Variants in CLVS2 observed in about 807,000 individuals in gnomAD.
CLVS2 encodes the protein clavesin-2.
A neutral mutation model predicts 29.0 loss-of-function variants in CLVS2; 19 were observed. The ratio of observed to expected loss-of-function variants is 0.66; its 90% CI spans 0.46 to 0.96. The LOEUF (loss-of-function observed/expected upper bound fraction) is 0.96, where lower values mean the gene tolerates loss of function less well. CLVS2 is among the 40% of genes least tolerant of loss of function. CLVS2 has a pLI of 0.00. For missense variants in CLVS2, 294 were observed against 404.1 expected, an observed-to-expected ratio of 0.73 and a Z score of 2.34; for synonymous variants, 161 against 151.3, an observed-to-expected ratio of 1.06 and a Z score of -0.47.
At chr6:123,005,235 C>T (rs1774650375) in intron 2 of CLVS2, among the ~76,000 whole-genome samples, 1 of 152,076 alleles carries the variant, frequency 6.6e-6, no homozygotes, top group Admixed American at 6.5e-5. Context: ...AACTATTACC[C>T]AGATAGACAT....
At chr6:123,004,793 A>T (rs1018562181) in intron 2 of CLVS2, among the ~76,000 whole-genome samples, 1 of 152,100 alleles carries the variant, frequency 6.6e-6, no homozygotes, top group African/African-American at 2.4e-5. Flanking sequence ...GGCGCCTGTA[A>T]TCCCAGCTAC....
intron 3 of CLVS2, among the ~76,000 whole-genome samples, chr6:123,020,138 T>C (rs980171957): frequency 1.3e-5 from 2 of 152,070 alleles, no homozygotes; most frequent in African/African-American, 4.8e-5. Context: ...CTTGGTCTAG[T>C]CAAATTGATA....
chr6:123,034,367 C>T (rs1320146524), intron 3 of CLVS2, among the ~76,000 whole-genome samples: 1 of 152,034 alleles, frequency 6.6e-6, no homozygotes, highest in African/African-American at 2.4e-5. Flanking sequence ...TAAAATACTA[C>T]CTTGCAGTAG....
rs1170330235 is a variant in CLVS2, at chr6:123,070,326, C to A, written c.*6565C>A. The stretch of plus-strand genomic sequence containing the variant: ...AAATTTTGGAGTCATCCTCTCTTTC[C>A]TTCCTCTTTTTCTTTCAAAACTACA... On this transcript the variant is annotated 3_prime_UTR_variant, in exon 6 of 6. Coordinates refer to ENST00000275162, the MANE Select transcript of CLVS2 (RefSeq NM_001010852.4). 1 of 151,880 alleles carries A rather than the reference C, an allele frequency of 6.6e-6. No individual in the cohort carries two copies. Among genetic ancestry groups the A allele is most frequent in the African/African-American group, 2.4e-5 (1 of 41,396 alleles). The allele number at this position is 151,880 out of a possible 1,614,324, so 9.4% of individuals were successfully genotyped here.
At chr6:123,012,876 G>A (rs1473399376) in intron 3 of CLVS2, among the ~76,000 whole-genome samples, 1 of 151,956 alleles carries the variant, frequency 6.6e-6, no homozygotes, top group Admixed American at 6.6e-5. Flanking sequence ...TCCCAATTAA[G>A]ACGCCACTTA....
chr6:123,070,371 C>T lies in CLVS2; in HGVS notation c.*6610C>T, dbSNP rs1471870354. 1 of 151,854 alleles carries T rather than the reference C, an allele frequency of 6.6e-6. No homozygotes were observed. The highest frequency in any genetic ancestry group is 1.5e-5 in the Non-Finnish European group (1 of 67,842). The allele number at this position is 151,854 out of a possible 1,614,324, so 9.4% of individuals were successfully genotyped here. On this transcript the variant is annotated 3_prime_UTR_variant, in exon 6 of 6. Coordinates refer to ENST00000275162, the MANE Select transcript of CLVS2 (RefSeq NM_001010852.4). ...ACTACATCACATCAGCTAGCTCATG[C>T]TGTTGGGTCTTCAAAATATATCCAC...
At chr6:123,012,749 A>T (rs1428049947) in intron 3 of CLVS2, among the ~76,000 whole-genome samples, 1 of 151,884 alleles carries the variant, frequency 6.6e-6, no homozygotes, top group Non-Finnish European at 1.5e-5. Context: ...CTCTGCATGG[A>T]CCTGTAATGG....
At chr6:123,006,499 T>C (rs1774671053) in intron 2 of CLVS2, among the ~76,000 whole-genome samples, 1 of 152,138 alleles carries the variant, frequency 6.6e-6, no homozygotes, top group Admixed American at 6.5e-5. Flanking sequence ...ACAAGTGCCA[T>C]TATATTAGGA....
At chr6:123,029,574 G>A (rs1286929483) in intron 3 of CLVS2, among the ~76,000 whole-genome samples, 2 of 152,116 alleles carry the variant, frequency 1.3e-5, no homozygotes, top group African/African-American at 4.8e-5. Flanking sequence ...AAGGAATAAG[G>A]AAATAAGGTT....
At chr6:123,015,666 G>A (rs1271429752) in intron 3 of CLVS2, among the ~76,000 whole-genome samples, 1 of 152,048 alleles carries the variant, frequency 6.6e-6, no homozygotes, top group East Asian at 1.9e-4. Context: ...TATTGGAATA[G>A]ACAGTGCAAT....
At chr6:123,043,205 C>A (rs956529585) in intron 3 of CLVS2, among the ~76,000 whole-genome samples, 2 of 152,112 alleles carry the variant, frequency 1.3e-5, no homozygotes, top group African/African-American at 4.8e-5. Context: ...TGGAAAAAAA[C>A]TTGAGCGCAT....
At chr6:123,039,554 CTT>C (rs1562171024) in intron 3 of CLVS2, among the ~76,000 whole-genome samples, 1 of 152,126 alleles carries the variant, frequency 6.6e-6, no homozygotes, top group Non-Finnish European at 1.5e-5. Flanking sequence ...GTGAGAATGA[CTT>C]TGTGTCACAT....
Position 123,016,453 on chromosome 6 carries a change from T to A in CLVS2, c.564+5294T>A, listed in dbSNP as rs912815235. 7.6e-4 allele frequency among the ~76,000 whole-genome samples: 115 copies of A among 152,016 alleles called. 1 individual carries two copies. The highest frequency in any genetic ancestry group is 2.7e-3 in the African/African-American group (112 of 41,476). ...CAGAATCTCCCAATTTATAGATGATTTTTAGCTTATCCTAGCCCTACCCTG... is the reference window on the plus strand; with the variant it reads ...CAGAATCTCCCAATTTATAGATGATATTTAGCTTATCCTAGCCCTACCCTG... On this transcript the variant is annotated intron_variant, in intron 3 of 5. Coordinates refer to ENST00000275162, the MANE Select transcript of CLVS2 (RefSeq NM_001010852.4).
intron 4 of CLVS2, among the ~76,000 whole-genome samples, chr6:123,051,350 CA>C (rs1772607896): frequency 2.6e-5 from 4 of 152,150 alleles, no homozygotes; most frequent in Admixed American, 1.3e-4. Flanking sequence ...AAAAGCTCAC[CA>C]GTATCTGGAG....
At chr6:123,050,564 A>G (rs1225747598) in intron 4 of CLVS2, among the ~76,000 whole-genome samples, 1 of 152,158 alleles carries the variant, frequency 6.6e-6, no homozygotes, top group East Asian at 1.9e-4. Flanking sequence ...AAATGTCTTC[A>G]GGTAGAAACA....
chr6:123,002,746 C>T (rs1378233628), intron 2 of CLVS2, among the ~76,000 whole-genome samples: 1 of 152,064 alleles, frequency 6.6e-6, no homozygotes. Flanking sequence ...TTCAAGAATT[C>T]TTTTCTCAGT....
At chr6:123,036,099 A>G (rs1295437970) in intron 3 of CLVS2, among the ~76,000 whole-genome samples, 3 of 152,166 alleles carry the variant, frequency 2.0e-5, no homozygotes, top group African/African-American at 7.2e-5. Context: ...GAATGGAAGC[A>G]TTGAATGCAC....
At chr6:123,051,100 T>G (rs1772603596) in intron 4 of CLVS2, among the ~76,000 whole-genome samples, 1 of 152,136 alleles carries the variant, frequency 6.6e-6, no homozygotes, top group South Asian at 2.1e-4. Context: ...TTCACTGATA[T>G]TCCAAGTGAG....
At chr6:123,021,389 C>A (rs557390800) in intron 3 of CLVS2, among the ~76,000 whole-genome samples, 1 of 151,812 alleles carries the variant, frequency 6.6e-6, no homozygotes, top group Non-Finnish European at 1.5e-5. Context: ...GGGAGGGGAT[C>A]TTTTTATGTG....
Sources: allele counts gnomAD v4.1 joint callset (sites outside exome capture counted in the v4.1 genomes callset), GRCh38; gene constraint gnomAD v4.1.1; transcripts MANE v1.5; gene names NCBI Gene and HGNC (gene_info 2026-07-23, HGNC 2026-07-21).